AMPD3: variants seen among roughly 807,000 people sequenced by gnomAD.
The protein encoded by AMPD3 is adenosine monophosphate deaminase 3.
A neutral mutation model predicts 82.3 loss-of-function variants in AMPD3; 57 were observed. The observed-to-expected ratio is 0.69, with a 90% confidence interval of 0.56 to 0.86. AMPD3 has a LOEUF of 0.86. AMPD3 is among the 40% of genes least tolerant of loss of function. The pLI, the probability that AMPD3 is intolerant of heterozygous loss-of-function variation, is 0.00. For missense variants in AMPD3, 870 were observed against 1,003.8 expected, an observed-to-expected ratio of 0.87 and a Z score of 1.80; for synonymous variants, 381 against 394.7, an observed-to-expected ratio of 0.97 and a Z score of 0.41.
chr11:10,484,646 C>A, intron 4 of AMPD3, 174 bp from the exon 5 acceptor site: 1 of 661,614 alleles, frequency 1.5e-6, no homozygotes, highest in Non-Finnish European at 1.9e-6. Flanking sequence ...CATGGTTTGA[C>A]ATGGTGGTAA....
intron 9 of AMPD3, among the ~76,000 whole-genome samples, chr11:10,495,998 A>C (rs1232914674): frequency 6.7e-6 from 1 of 149,968 alleles, no homozygotes; most frequent in Non-Finnish European, 1.5e-5. Flanking sequence ...GCTCACTGCA[A>C]CCTCCACCTC....
rs183936623 is a variant in AMPD3, at chr11:10,470,613, A to G, written c.222-7913A>G. On this transcript the variant is annotated intron_variant, in intron 2 of 14. Transcript: ENST00000396553. The stretch of plus-strand genomic sequence containing the variant: ...CCTTAAGCTGATAAGCAACTTCAGC[A>G]AAGTCTCAGGATAAAAAATCAATGT... Among the ~76,000 whole-genome samples, 676 of 152,356 alleles carry G rather than the reference A, an allele frequency of 4.4e-3. 3 individuals are homozygous for G. The highest frequency in any genetic ancestry group is 0.016 in the African/African-American group (649 of 41,588).
chr11:10,472,293 G>C lies in AMPD3; in HGVS notation c.222-6233G>C, dbSNP rs756937538. Among the ~76,000 whole-genome samples the C allele has an allele frequency of 1.3e-4, 20 of 152,176 alleles. No individual in the cohort carries two copies. In the East Asian group the frequency reaches 2.1e-3, roughly 16 times the overall value. ...GAACATCACACACTGGGGCCTGTTG[G>C]GGGGTGAGGGGCTAGGGGAGGGATA... is the stretch of plus-strand genomic sequence containing the variant. On this transcript the variant is annotated intron_variant, in intron 2 of 14. Transcript: ENST00000396553.
chr11:10,482,036 C>G (rs746622729), intron 3 of AMPD3, 27 bp from the exon 4 acceptor site: 44 of 1,613,976 alleles, frequency 2.7e-5, no homozygotes, highest in Non-Finnish European at 3.6e-5. Flanking sequence ...CTGCATGAAC[C>G]CTTTCCTGCC....
intron 1 of AMPD3, chr11:10,460,931 T>C (rs1047069086): frequency 1.2e-5 from 12 of 985,378 alleles, no homozygotes; most frequent in Non-Finnish European, 1.3e-5. Context: ...TTTATTTTAT[T>C]TGCTGTGTCT....
intron 10 of AMPD3, among the ~76,000 whole-genome samples, chr11:10,498,166 T>G (rs1306206134): frequency 6.6e-6 from 1 of 152,198 alleles, no homozygotes; most frequent in Non-Finnish European, 1.5e-5. Flanking sequence ...AGCTTGCGTC[T>G]CTGAGGTGTG....
chr11:10,488,888 C>A (rs564030938), intron 6 of AMPD3, among the ~76,000 whole-genome samples: 3 of 152,166 alleles, frequency 2.0e-5, no homozygotes, highest in Non-Finnish European at 4.4e-5. Context: ...GCCTCCCTGA[C>A]CCCCTGGCTG....
intron 6 of AMPD3, chr11:10,488,363 G>A: frequency 1.0e-6 from 1 of 985,436 alleles, no homozygotes; most frequent in Non-Finnish European, 1.2e-6. Context: ...CTGACTTAGA[G>A]TGAGTAGGAG....
chr11:10,483,173 G>A (rs933963521), intron 4 of AMPD3, among the ~76,000 whole-genome samples: 4 of 152,182 alleles, frequency 2.6e-5, no homozygotes, highest in African/African-American at 9.7e-5. Flanking sequence ...TTATGCTGCC[G>A]AGTTCAGGGA....
chr11:10,500,020 GGAGGCTGAACC>G lies in AMPD3; in HGVS notation c.1558-57_1558-47del, dbSNP rs1275071719. On this transcript the variant is annotated intron_variant, in intron 10 of 14. Transcript: ENST00000396553. ...AGGCCTCTGGCAGCTATGAGCTCTG[GGAGGCTGAACC>G]GAGGCTGAGTCCTGGTCCTGCCTTG... 3.1e-6 allele frequency: 5 copies of G among 1,604,240 alleles called. No individual in the cohort carries two copies. The East Asian group carries it at 8.9e-5, about 29-fold the overall frequency.
rs549363328 is a variant in AMPD3, at chr11:10,491,039, C to A, written c.940-2310C>A. Among the ~76,000 whole-genome samples, 4 of 152,312 alleles carry A rather than the reference C, an allele frequency of 2.6e-5. No individual in the cohort carries two copies. In the South Asian group the frequency reaches 6.2e-4, roughly 24 times the overall value. ...TAATGCTCACAGAGGTCCAGTGGAT[C>A]AAATATCTGGTTTGGCATTACTTGG... On this transcript the variant is annotated intron_variant, in intron 6 of 14. Coordinates refer to ENST00000396553, the MANE Select transcript of AMPD3 (RefSeq NM_001025389.2).
At chr11:10,454,582 T>A (rs1415120261), upstream of AMPD3, among the ~76,000 whole-genome samples, 1 of 152,208 alleles carries the variant, frequency 6.6e-6, no homozygotes, top group Admixed American at 6.5e-5. Context: ...CAGGATGCAG[T>A]GTTTTCCAAG....
At chr11:10,500,023 G>T in intron 10 of AMPD3, 63 bp from the exon 11 acceptor site, 1 of 1,606,996 alleles carries the variant, frequency 6.2e-7, no homozygotes, top group South Asian at 1.1e-5. Context: ...AGCTCTGGGA[G>T]GCTGAACCGA....
At chr11:10,497,680 A>G (rs1564856067) in intron 10 of AMPD3, 1 of 985,012 alleles carries the variant, frequency 1.0e-6, no homozygotes, top group Non-Finnish European at 1.2e-6. Context: ...AGACAAACAT[A>G]TTCTGGCTGT....
intron 2 of AMPD3, 100 bp from the exon 3 acceptor site, chr11:10,478,426 C>T (rs1848802439): frequency 1.9e-6 from 3 of 1,579,458 alleles, no homozygotes; most frequent in Non-Finnish European, 2.6e-6. Context: ...AGTGATTAAT[C>T]ATAGCAAAAT....
At chr11:10,477,477 G>A (rs1168688718) in intron 2 of AMPD3, among the ~76,000 whole-genome samples, 1 of 152,178 alleles carries the variant, frequency 6.6e-6, no homozygotes, top group East Asian at 1.9e-4. Context: ...CTGCAGAAGA[G>A]ACTTGCAGTG....
At chr11:10,455,032 T>C (rs1848052368), upstream of AMPD3, 1 of 520,456 alleles carries the variant, frequency 1.9e-6, no homozygotes, top group Admixed American at 6.4e-5. Flanking sequence ...ACAGGAATTA[T>C]GATGTGAGCT....
chr11:10,470,070 A>G (rs2133853120), intron 2 of AMPD3, among the ~76,000 whole-genome samples: 1 of 151,912 alleles, frequency 6.6e-6, no homozygotes, highest in Non-Finnish European at 1.5e-5. Flanking sequence ...CCTCAATAAT[A>G]TACTGGCAAA....
At chr11:10,500,965 G>C in intron 11 of AMPD3, 1 of 985,406 alleles carries the variant, frequency 1.0e-6, no homozygotes, top group Non-Finnish European at 1.2e-6. Context: ...TTTCGAATGG[G>C]GTCCTGATTG....
Sources: gnomAD v4.1 joint callset for allele counts (sites outside exome capture counted in the v4.1 genomes callset) on GRCh38, gnomAD v4.1.1 for gene constraint, MANE v1.5 for transcripts, NCBI Gene and HGNC (gene_info 2026-07-23, HGNC 2026-07-21) for gene names.